CEP350: variants seen among roughly 807,000 people sequenced by gnomAD.
CEP350 encodes centrosomal protein 350.
In CEP350, 126 loss-of-function variants were observed where a neutral mutation model predicts 331.8. The ratio of observed to expected loss-of-function variants is 0.38; its 90% CI spans 0.33 to 0.44. The LOEUF is 0.44. Ranked by LOEUF, CEP350 falls within the 20% of genes least tolerant of loss-of-function variation. CEP350 has a pLI of 1.00. For missense variants in CEP350, 3,406 were observed against 3,634.6 expected, an observed-to-expected ratio of 0.94 and a Z score of 1.62; for synonymous variants, 1,200 against 1,259.5, an observed-to-expected ratio of 0.95 and a Z score of 1.00.
At chr1:180,026,369 TCC>T (rs1307364661) in intron 14 of CEP350, among the ~76,000 whole-genome samples, 2 of 152,172 alleles carry the variant, frequency 1.3e-5, no homozygotes, top group African/African-American at 4.8e-5. Flanking sequence ...GGTCTCGAAC[TCC>T]TGGGCTCAAG....
In CEP350 at chr1:179,996,780, A is replaced by G. The variant is rs1487929103; in HGVS notation, c.623A>G (p.Asn208Ser). 5 of 1,613,594 alleles carry G rather than the reference A, an allele frequency of 3.1e-6. No homozygotes were observed. Among genetic ancestry groups the G allele is most frequent in the Non-Finnish European group, 4.2e-6 (5 of 1,179,700 alleles). Residue 208 changes from asparagine (N) to serine (S), a missense_variant, in exon 6 of 38, where the codon AAT (asparagine) becomes AGT (serine). Coordinates refer to ENST00000367607, the MANE Select transcript of CEP350 (RefSeq NM_014810.5). ...CGACCAGCAATTGATGCATTGCAAA[A>G]TTCTGAATGTTTGATTAGGATGGGA... ...NDRPAIDALQNSECLIRMGAS... is the reference protein window; with the variant it reads ...NDRPAIDALQSSECLIRMGAS...
chr1:180,052,288 C>G (rs1017004178), intron 22 of CEP350: 1 of 450,032 alleles, frequency 2.2e-6, no homozygotes, highest in Non-Finnish European at 4.5e-6. Flanking sequence ...ATCCTCCCAC[C>G]TTGGCATCCC....
At chr1:180,031,973 G>A (rs1344407839) in intron 15 of CEP350, among the ~76,000 whole-genome samples, 1 of 151,982 alleles carries the variant, frequency 6.6e-6, no homozygotes, top group African/African-American at 2.4e-5. Context: ...CAGCTACTTA[G>A]CATCCTTATT....
rs1003680492 is a variant in CEP350, at chr1:179,955,013, C to G, written c.-143C>G. 3 of 1,315,032 alleles carry G rather than the reference C, an allele frequency of 2.3e-6. No homozygotes were observed. Among genetic ancestry groups the G allele is most frequent in the Non-Finnish European group, 2.9e-6 (3 of 1,028,856 alleles). The allele number at this position is 1,315,032 out of a possible 1,614,324, so 81.5% of individuals were successfully genotyped here. On this transcript the variant is annotated 5_prime_UTR_variant, in exon 1 of 38. Coordinates refer to ENST00000367607, the MANE Select transcript of CEP350 (RefSeq NM_014810.5). ...CCCCGGAGCCGGTGCGAGGAGGGCA[C>G]CCGGTGCGTCCCCGGAGCGGGGAGG... is the stretch of plus-strand genomic sequence containing the variant.
intron 27 of CEP350, among the ~76,000 whole-genome samples, chr1:180,070,134 T>C (rs901497444): frequency 5.9e-5 from 9 of 152,318 alleles, no homozygotes; most frequent in South Asian, 2.1e-4. Flanking sequence ...TTCCAGGGTA[T>C]CCATGGACTC....
intron 27 of CEP350, among the ~76,000 whole-genome samples, chr1:180,073,455 G>A (rs1659024365): frequency 6.6e-6 from 1 of 152,112 alleles, no homozygotes; most frequent in Admixed American, 6.6e-5. Flanking sequence ...TTGTTGTACT[G>A]TCTGTTAAAG....
In CEP350 at chr1:180,021,004, G is replaced by T. The variant is rs1316141461; in HGVS notation, c.3230G>T (p.Gly1077Val). The T allele has an allele frequency of 2.0e-6, 3 of 1,507,148 alleles. No individual in the cohort carries two copies. Among genetic ancestry groups the T allele is most frequent in the Middle Eastern group, 1.8e-4 (1 of 5,690 alleles). The allele number at this position is 1,507,148 out of a possible 1,614,324, so 93.4% of individuals were successfully genotyped here. A position where few individuals can be genotyped will look rare whatever the true frequency, so the allele number is the denominator to read the frequency against. The change falls in exon 12 of 38, where the codon GGA becomes GTA. Residue 1077 changes from glycine to valine, a missense_variant. Coordinates refer to ENST00000367607, the MANE Select transcript of CEP350 (RefSeq NM_014810.5). ...TTTACAAAATCCTATCAGTTATATG[G>T]AAAAGGTGAGAAAAATAAATATAGC... ...NIFTKSYQLY[G>V]KGFEDKLDRG...
chr1:180,013,536 A>G (rs1654786790), intron 9 of CEP350, among the ~76,000 whole-genome samples: 1 of 152,206 alleles, frequency 6.6e-6, no homozygotes. Flanking sequence ...AAATATGTAT[A>G]TAAGAGAGAA....
intron 25 of CEP350, among the ~76,000 whole-genome samples, chr1:180,060,477 GTC>G (rs1415631423): frequency 1.3e-5 from 2 of 151,978 alleles, no homozygotes; most frequent in Non-Finnish European, 2.9e-5. Flanking sequence ...AAGACCCTGT[GTC>G]TACAAAAAAA....
chr1:180,087,654 A>G lies in CEP350; in HGVS notation c.6362A>G (p.Gln2121Arg). 5 of 1,574,766 alleles carry G rather than the reference A, an allele frequency of 3.2e-6. No homozygotes were observed. Among genetic ancestry groups the G allele is most frequent in the Non-Finnish European group, 4.3e-6 (5 of 1,158,492 alleles). Residue 2121 changes from glutamine (Q) to arginine (R), a missense_variant, in exon 32 of 38, where the codon CAG (glutamine) becomes CGG (arginine). Physicochemically the swap from Gln to Arg is conservative, Grantham distance 43. This residue lies in a region of CEP350 where 1,415 missense variants were observed against 1,512.3 expected (regional missense o/e 0.94). Transcript: ENST00000367607. Reference sequence around the variant, plus strand: ...GAAACATCACCAACAGCCAAGCCTCAGATTAAAACGCTCTCCTCAGCTTCT... The same window carrying G: ...GAAACATCACCAACAGCCAAGCCTCGGATTAAAACGCTCTCCTCAGCTTCT... ...DLETSPTAKP[Q>R]IKTLSSASEK... is the part of the protein sequence containing the mutation.
chr1:180,062,795 A>G (rs1658306005), intron 26 of CEP350, among the ~76,000 whole-genome samples: 1 of 152,178 alleles, frequency 6.6e-6, no homozygotes, highest in South Asian at 2.1e-4. Context: ...ACCTTTCAAA[A>G]GTTCTACCTC....
In CEP350 at chr1:180,020,655, T is replaced by C; in HGVS notation, c.2881T>C (p.Ser961Pro). ...LCKRQTDSSS[S>P]DMQACSQDKA... ...TAAAAGGCAGACTGACTCTTCTAGC[T>C]CTGATATGCAAGCCTGTTCTCAAGA... Residue 961 changes from serine (S) to proline (P), a missense_variant, in exon 12 of 38, where the codon TCT becomes CCT. Coordinates refer to ENST00000367607, the MANE Select transcript of CEP350 (RefSeq NM_014810.5). The C allele has an allele frequency of 1.9e-6, 3 of 1,614,000 alleles. No homozygotes were observed. Among genetic ancestry groups the C allele is most frequent in the South Asian group, 2.2e-5 (2 of 91,086 alleles).
intron 4 of CEP350, among the ~76,000 whole-genome samples, chr1:179,991,707 G>GTGTGTGTGTGTGTGTA (rs1385981536): frequency 6.0e-4 from 58 of 96,964 alleles, no homozygotes; most frequent in East Asian, 2.6e-3. Context: ...GTGTGTGTGT[G>GTGTGTGTGTGTGTGTA]TATATATATA....
chr1:180,020,125 A>C lies in CEP350; in HGVS notation c.2351A>C (p.Asn784Thr), dbSNP rs1274938610. The change falls in exon 12 of 38, where the codon AAT becomes ACT. Residue 784 changes from asparagine to threonine, a missense_variant. Asn to Thr is a moderately conservative substitution (Grantham distance 65, BLOSUM62 0). Coordinates refer to ENST00000367607, the MANE Select transcript of CEP350 (RefSeq NM_014810.5). Reference protein sequence around the residue: ...DFESILPTRKNHNMASRPLTF... With the variant: ...DFESILPTRKTHNMASRPLTF... ...GAATCTATTTTACCAACCAGGAAGAATCATAATATGGCTTCAAGGCCATTA... is the reference window on the plus strand; with the variant it reads ...GAATCTATTTTACCAACCAGGAAGACTCATAATATGGCTTCAAGGCCATTA... 2.5e-5 allele frequency: 41 copies of C among 1,613,924 alleles called. No homozygotes were observed. The highest frequency in any genetic ancestry group is 3.2e-5 in the Non-Finnish European group (38 of 1,179,896).
At chr1:180,058,650 T>C (rs1191963681) in intron 25 of CEP350, among the ~76,000 whole-genome samples, 1 of 152,190 alleles carries the variant, frequency 6.6e-6, no homozygotes, top group Admixed American at 6.5e-5. Flanking sequence ...ATGTGCAAAC[T>C]GTTAAATATG....
chr1:179,983,115 T>C (rs1652401832), intron 1 of CEP350, among the ~76,000 whole-genome samples: 2 of 152,166 alleles, frequency 1.3e-5, no homozygotes, highest in African/African-American at 4.8e-5. Flanking sequence ...TTAAACTGTG[T>C]TGGCAGATTA....
Position 180,014,084 on chromosome 1 carries a change from C to G in CEP350, c.1631C>G (p.Ala544Gly). The G allele has an allele frequency of 6.2e-7, 1 of 1,611,598 alleles. No homozygotes were observed. The highest frequency in any genetic ancestry group is 8.5e-7 in the Non-Finnish European group (1 of 1,178,698). ...CAGCTGGATTCTACAGCTCACACTG[C>G]AAAGCAAGATACTGTAGAGTTACAG... ...DLQLDSTAHT[A>G]KQDTVELQNQ... is the part of the protein sequence containing the mutation. Residue 544 changes from alanine to glycine, a missense_variant, in exon 10 of 38, where the codon GCA becomes GGA. Coordinates refer to ENST00000367607, the MANE Select transcript of CEP350 (RefSeq NM_014810.5).
chr1:180,082,314 G>A (rs140252751), intron 30 of CEP350, among the ~76,000 whole-genome samples: 1 of 152,300 alleles, frequency 6.6e-6, no homozygotes, highest in East Asian at 1.9e-4. Flanking sequence ...TTCAGTATTT[G>A]TAGAAGTGGT....
rs780769622 is a variant in CEP350, at chr1:180,034,000, A to G, written c.3864A>G (p.Thr1288=). ...SKSSVMPPTI[T]GFKPNAPLTD... is the part of the protein sequence containing the mutation. The stretch of plus-strand genomic sequence containing the variant: ...CGTCAGTAATGCCTCCAACTATAAC[A>G]GGATTTAAGCCTAATGCACCTCTCA... Residue 1288 remains threonine, a synonymous_variant, in exon 16 of 38, where the codon ACA becomes ACG. Coordinates refer to ENST00000367607, the MANE Select transcript of CEP350 (RefSeq NM_014810.5). 6.2e-7 allele frequency: 1 copy of G among 1,613,896 alleles called. No individual in the cohort carries two copies. The highest frequency in any genetic ancestry group is 8.5e-7 in the Non-Finnish European group (1 of 1,179,816).
Sources: allele counts gnomAD v4.1 joint callset (sites outside exome capture counted in the v4.1 genomes callset), GRCh38; gene constraint gnomAD v4.1.1; regional missense constraint gnomAD v4.1.1; transcripts MANE v1.5; gene names NCBI Gene and HGNC (gene_info 2026-07-23, HGNC 2026-07-21).